The following R3HDM1 variants were observed in gnomAD, a reference collection of about 807,000 sequenced individuals.
The protein encoded by R3HDM1 is R3H domain containing 1, also known as R3H domain-containing protein 1.
In R3HDM1, 46 loss-of-function variants were observed where a neutral mutation model predicts 141.1. The ratio of observed to expected loss-of-function variants is 0.33; its 90% CI spans 0.26 to 0.42. The LOEUF (loss-of-function observed/expected upper bound fraction) is 0.42. Ranked by LOEUF, R3HDM1 falls within the 10% of genes least tolerant of loss-of-function variation. The probability of loss-of-function intolerance (pLI) is 1.00; values close to 1 mark genes in which losing one functional copy is unlikely to be tolerated. For missense variants in R3HDM1, 1,184 were observed against 1,368.3 expected, an observed-to-expected ratio of 0.87 and a Z score of 2.12; for synonymous variants, 435 against 472.9, an observed-to-expected ratio of 0.92 and a Z score of 1.04.
intron 1 of R3HDM1, among the ~76,000 whole-genome samples, chr2:135,538,525 G>A (rs1696733160): frequency 1.3e-5 from 2 of 152,150 alleles, no homozygotes; most frequent in African/African-American, 4.8e-5. Context: ...TTTAGTAACA[G>A]CTTAAAATAG....
Position 135,651,717 on chromosome 2 carries a change from C to T in R3HDM1, c.1726-13C>T, listed in dbSNP as rs1452612791. On this transcript the variant is annotated splice_polypyrimidine_tract_variant and intron_variant, in intron 17 of 26. Coordinates refer to ENST00000683871, the MANE Select transcript of R3HDM1 (RefSeq NM_001378107.1). ...TAGAAGGCTTACTAATTTTTGACTT[C>T]TTCCTTTTTTAGCAGGATAACCTAG... 6.3e-7 allele frequency: 1 copy of T among 1,584,186 alleles called. No homozygotes were observed. The highest frequency in any genetic ancestry group is 1.7e-5 in the Admixed American group (1 of 57,266).
intron 1 of R3HDM1, among the ~76,000 whole-genome samples, chr2:135,538,724 C>A (rs1222420155): frequency 6.6e-6 from 1 of 152,172 alleles, no homozygotes; most frequent in East Asian, 1.9e-4. Context: ...AGCGATTCTT[C>A]TGCCTCAGCC....
intron 1 of R3HDM1, among the ~76,000 whole-genome samples, chr2:135,553,362 A>G (rs373819594): frequency 2.4e-4 from 36 of 152,280 alleles, no homozygotes; most frequent in East Asian, 1.5e-3. Context: ...TAGGATCACA[A>G]TATGTTGTGG....
chr2:135,620,370 A>G (rs773594919), intron 5 of R3HDM1: 15 of 848,818 alleles, frequency 1.8e-5, no homozygotes, highest in African/African-American at 7.4e-5. Flanking sequence ...AAAATGAATC[A>G]CAATAAGAAA....
At chr2:135,579,689 C>T (rs568729064) in intron 1 of R3HDM1, among the ~76,000 whole-genome samples, 20 of 151,966 alleles carry the variant, frequency 1.3e-4, no homozygotes, top group African/African-American at 4.6e-4. Flanking sequence ...TTCCCTGATG[C>T]ACTGAAAGGG....
At chr2:135,711,650 C>A (rs1007246717) in intron 23 of R3HDM1, among the ~76,000 whole-genome samples, 2 of 115,480 alleles carry the variant, frequency 1.7e-5, no homozygotes, top group South Asian at 5.6e-4. Context: ...CAGAGGGAGA[C>A]CCCAACTCTT....
At chr2:135,562,251 C>G (rs1052982084) in intron 1 of R3HDM1, among the ~76,000 whole-genome samples, 6 of 152,214 alleles carry the variant, frequency 3.9e-5, no homozygotes, top group Non-Finnish European at 8.8e-5. Context: ...TTTGATCTTT[C>G]TAGCCAACAT....
At chr2:135,661,022 AAG>A (rs766892227) in intron 18 of R3HDM1, among the ~76,000 whole-genome samples, 21 of 152,064 alleles carry the variant, frequency 1.4e-4, no homozygotes, top group Non-Finnish European at 2.6e-4. Flanking sequence ...TTGGTTTTGT[AAG>A]AGAGAGAGCT....
chr2:135,631,488 C>T (rs2062709409), intron 7 of R3HDM1, among the ~76,000 whole-genome samples: 1 of 151,518 alleles, frequency 6.6e-6, no homozygotes. Context: ...ATTCATTACA[C>T]TATTCTCTAC....
chr2:135,603,757 C>G (rs2059818007), intron 2 of R3HDM1, among the ~76,000 whole-genome samples: 1 of 152,164 alleles, frequency 6.6e-6, no homozygotes. Flanking sequence ...TAGGCATGCA[C>G]CACCATGCCT....
intron 1 of R3HDM1, among the ~76,000 whole-genome samples, chr2:135,578,595 T>A (rs1217449496): frequency 6.6e-6 from 1 of 152,164 alleles, no homozygotes; most frequent in East Asian, 1.9e-4. Context: ...ATGAACAATA[T>A]TAACTTGATT....
chr2:135,577,593 T>C (rs373781295), intron 1 of R3HDM1, among the ~76,000 whole-genome samples: 2 of 152,086 alleles, frequency 1.3e-5, no homozygotes, highest in East Asian at 3.9e-4. Flanking sequence ...CCCAACACTT[T>C]GGGAGGCCAA....
In R3HDM1 at chr2:135,660,404, T is replaced by C. The variant is rs576064147; in HGVS notation, c.2029-866T>C. 2.0e-4 allele frequency among the ~76,000 whole-genome samples: 31 copies of C among 152,300 alleles called. No homozygotes were observed. In the South Asian group the frequency reaches 2.9e-3, roughly 14 times the overall value. On this transcript the variant is annotated intron_variant, in intron 18 of 26. Coordinates refer to ENST00000683871, the MANE Select transcript of R3HDM1 (RefSeq NM_001378107.1). ...GCCATATTTTAAATAATTTCATGCA[T>C]GATGTAAAGTTTTGACTGTAACCTG...
chr2:135,661,325 G>T lies in R3HDM1; in HGVS notation c.2084G>T (p.Arg695Leu). Reference protein sequence around the residue: ...GHYHSSQPQYRPVPSVHYNSH... With the variant: ...GHYHSSQPQYLPVPSVHYNSH... ...TATCACTCCAGCCAACCTCAGTATCGCCCAGTCCCTTCTGTTCATTACAAT... is the reference window on the plus strand; with the variant it reads ...TATCACTCCAGCCAACCTCAGTATCTCCCAGTCCCTTCTGTTCATTACAAT... The change falls in exon 19 of 27, where the codon CGC becomes CTC. Residue 695 changes from arginine (R) to leucine (L), a missense_variant. Transcript: ENST00000683871. The T allele has an allele frequency of 6.2e-7, 1 of 1,613,556 alleles. No homozygotes were observed. Among genetic ancestry groups the T allele is most frequent in the Non-Finnish European group, 8.5e-7 (1 of 1,179,628 alleles).
intron 21 of R3HDM1, among the ~76,000 whole-genome samples, chr2:135,700,876 TC>T (rs1029608592): frequency 2.4e-4 from 37 of 152,108 alleles, no homozygotes; most frequent in African/African-American, 8.7e-4. Flanking sequence ...TGTACAGTAG[TC>T]CCCCTTATCC....
At chr2:135,643,921 T>C (rs893261268) in intron 15 of R3HDM1, among the ~76,000 whole-genome samples, 1 of 152,088 alleles carries the variant, frequency 6.6e-6, no homozygotes, top group Non-Finnish European at 1.5e-5. Flanking sequence ...TGAGAACATG[T>C]GAACACATAA....
intron 18 of R3HDM1, among the ~76,000 whole-genome samples, chr2:135,654,896 G>A (rs1412844208): frequency 6.7e-6 from 1 of 150,218 alleles, no homozygotes; most frequent in East Asian, 1.9e-4. Flanking sequence ...GTGTGTGTGT[G>A]TGTGTGTTTG....
chr2:135,545,577 A>C (rs569894058), intron 1 of R3HDM1, among the ~76,000 whole-genome samples: 1 of 152,350 alleles, frequency 6.6e-6, no homozygotes, highest in South Asian at 2.1e-4. Context: ...ATGAAGTTGC[A>C]GGTACACTTG....
chr2:135,593,935 G>C (rs1423657017), intron 1 of R3HDM1, among the ~76,000 whole-genome samples: 9 of 152,132 alleles, frequency 5.9e-5, no homozygotes, highest in Admixed American at 1.3e-4. Flanking sequence ...GGCCAGGCTG[G>C]TCTCAATCTT....
Sources: allele counts gnomAD v4.1 joint callset (sites outside exome capture counted in the v4.1 genomes callset), GRCh38; gene constraint gnomAD v4.1.1; transcripts MANE v1.5; gene names NCBI Gene and HGNC (gene_info 2026-07-23, HGNC 2026-07-21).